GRB14: variants seen among roughly 807,000 people sequenced by gnomAD.
GRB14 encodes the protein growth factor receptor-bound protein 14.
In GRB14, 38 loss-of-function variants were observed where a neutral mutation model predicts 69.1. The ratio of observed to expected loss-of-function variants is 0.55; its 90% CI spans 0.42 to 0.72. The LOEUF is 0.72. Ranked by LOEUF, GRB14 falls within the 30% of genes least tolerant of loss-of-function variation. GRB14 has a pLI of 0.00. For synonymous variants in GRB14, 247 were observed against 241.3 expected (o/e 1.02, Z -0.22); for missense variants, 666 against 666.1 (o/e 1.00, Z 0.00).
rs567479135 is a variant in GRB14 at position 164,530,646 on chromosome 2, C to T, written c.482-3511G>A. Among the ~76,000 whole-genome samples, 30 of 151,990 alleles carry T rather than the reference C, an allele frequency of 2.0e-4. No homozygotes were observed. The South Asian group carries it at 2.1e-3, about 11-fold the overall frequency. ...AGAGGAGAAGCAAGAAAAAAAAACC[C>T]TTGAGGTGAGAGAAAGGCTGGTATG... On this transcript the variant is annotated intron_variant, in intron 3 of 13. Transcript: ENST00000263915.
At chr2:164,505,179 C>G (rs1036913174) in intron 8 of GRB14, among the ~76,000 whole-genome samples, 2 of 152,070 alleles carry the variant, frequency 1.3e-5, no homozygotes, top group Admixed American at 1.3e-4. Flanking sequence ...CATAGAAAAC[C>G]AACACAATGA....
At chr2:164,558,331 G>GA (rs1404996437) in intron 2 of GRB14, among the ~76,000 whole-genome samples, 1 of 151,742 alleles carries the variant, frequency 6.6e-6, no homozygotes. Context: ...TTATGTGGCA[G>GA]AAAAAAAGAT....
At chr2:164,565,192 G>A (rs1334134474) in intron 2 of GRB14, among the ~76,000 whole-genome samples, 3 of 152,074 alleles carry the variant, frequency 2.0e-5, no homozygotes, top group Admixed American at 2.0e-4. Context: ...TGAGCCTTAT[G>A]TTAACTCTCC....
intron 2 of GRB14, among the ~76,000 whole-genome samples, chr2:164,597,564 C>T (rs1330828618): frequency 1.3e-5 from 2 of 151,890 alleles, no homozygotes; most frequent in Admixed American, 6.6e-5. Context: ...ATTAACTATA[C>T]TAGCTAACAA....
rs75612709 is a variant in GRB14, at chr2:164,534,710, C to A, written c.482-7575G>T. Among the ~76,000 whole-genome samples, 208 of 152,238 alleles carry A rather than the reference C, an allele frequency of 1.4e-3. 7 individuals are homozygous for A. In the East Asian group the frequency reaches 0.033, roughly 24 times the overall value. On this transcript the variant is annotated intron_variant, in intron 3 of 13. Coordinates refer to ENST00000263915, the MANE Select transcript of GRB14 (RefSeq NM_004490.3). Reference sequence around the variant, plus strand: ...AATTTTAACCAAGTAAGTAATCCTACTAAGTTATTTATCATTTATTTCAAA... The same window carrying A: ...AATTTTAACCAAGTAAGTAATCCTAATAAGTTATTTATCATTTATTTCAAA...
intron 2 of GRB14, among the ~76,000 whole-genome samples, chr2:164,604,228 A>G (rs1689992365): frequency 6.6e-6 from 1 of 152,228 alleles, no homozygotes; most frequent in South Asian, 2.1e-4. Context: ...ACTTCTAAAT[A>G]CATACAATAG....
At chr2:164,499,362 G>A (rs1021472186) in intron 9 of GRB14, among the ~76,000 whole-genome samples, 2 of 151,976 alleles carry the variant, frequency 1.3e-5, no homozygotes, top group Admixed American at 6.6e-5. Context: ...CTAGATTAAC[G>A]GAAAACACAG....
intron 2 of GRB14, among the ~76,000 whole-genome samples, chr2:164,562,855 T>A (rs561312463): frequency 6.6e-6 from 1 of 152,270 alleles, no homozygotes; most frequent in African/African-American, 2.4e-5. Context: ...CTCTAAAGCA[T>A]ACATATAATC....
intron 2 of GRB14, among the ~76,000 whole-genome samples, chr2:164,586,464 A>G (rs1689542894): frequency 6.6e-6 from 1 of 152,230 alleles, no homozygotes; most frequent in Non-Finnish European, 1.5e-5. Context: ...AAAATACTAT[A>G]GATCCCCCTG....
rs148875249 is a variant in GRB14 at position 164,612,433 on chromosome 2, T to G, written c.324+7254A>C. ...AGAATTAAAGGATGGTCTCCCTATG[T>G]CAGTCCTGCCATTTCTCTTCTAAAT... On this transcript the variant is annotated intron_variant, in intron 2 of 13. Transcript: ENST00000263915. 3.9e-3 allele frequency among the ~76,000 whole-genome samples: 601 copies of G among 152,352 alleles called. 4 individuals carry two copies. Among genetic ancestry groups the G allele is most frequent in the South Asian group, 0.018 (88 of 4,830 alleles).
chr2:164,556,230 A>T lies in GRB14; in HGVS notation c.325-8414T>A, dbSNP rs75599364. ...TCCAAAAGACCCTAACAGCTCAAGA[A>T]TATCCACTGCTTTCTTATTGCTATC... On this transcript the variant is annotated intron_variant, in intron 2 of 13. Transcript: ENST00000263915. Among the ~76,000 whole-genome samples, 496 of 152,296 alleles carry T rather than the reference A, an allele frequency of 3.3e-3. 4 individuals are homozygous for T. The highest frequency in any genetic ancestry group is 0.011 in the African/African-American group (470 of 41,578).
intron 9 of GRB14, among the ~76,000 whole-genome samples, chr2:164,499,554 C>T (rs1686996898): frequency 6.6e-6 from 1 of 152,244 alleles, no homozygotes; most frequent in East Asian, 1.9e-4. Flanking sequence ...TATATTTCTC[C>T]AACACTTCTC....
At chr2:164,566,751 T>A (rs1038321699) in intron 2 of GRB14, among the ~76,000 whole-genome samples, 1 of 152,098 alleles carries the variant, frequency 6.6e-6, no homozygotes, top group African/African-American at 2.4e-5. Context: ...ATTTACATAT[T>A]TTACTATAAC....
rs149516805 is a variant in GRB14 at position 164,508,587 on chromosome 2, T to C, written c.928-37A>G. On this transcript the variant is annotated intron_variant, in intron 7 of 13. Transcript: ENST00000263915. ...CAGCACATTGTTTATCGTTAATGCATATCTTGAAGGTAACACCTGTTGAAA... is the reference window on the plus strand; with the variant it reads ...CAGCACATTGTTTATCGTTAATGCACATCTTGAAGGTAACACCTGTTGAAA... The C allele has an allele frequency of 1.2e-4, 191 of 1,570,016 alleles. No homozygotes were observed. The East Asian group carries it at 4.1e-3, about 34-fold the overall frequency.
chr2:164,495,082 C>T (rs1007946173), intron 12 of GRB14, among the ~76,000 whole-genome samples: 1 of 152,100 alleles, frequency 6.6e-6, no homozygotes, highest in Non-Finnish European at 1.5e-5. Flanking sequence ...ATTGGGACTA[C>T]AGGCACATGC....
At chr2:164,544,644 T>C (rs1419036817) in intron 3 of GRB14, among the ~76,000 whole-genome samples, 6 of 152,198 alleles carry the variant, frequency 3.9e-5, no homozygotes, top group Admixed American at 3.3e-4. Flanking sequence ...ACAAGTCATA[T>C]TGGCCAGTAT....
At chr2:164,567,219 C>G (rs1160320584) in intron 2 of GRB14, among the ~76,000 whole-genome samples, 2 of 152,094 alleles carry the variant, frequency 1.3e-5, no homozygotes, top group Non-Finnish European at 2.9e-5. Context: ...ATAAAGAACT[C>G]ATGTTGGCAA....
chr2:164,576,022 GT>G (rs1473125362), intron 2 of GRB14, among the ~76,000 whole-genome samples: 1 of 152,040 alleles, frequency 6.6e-6, no homozygotes, highest in Admixed American at 6.5e-5. Context: ...CTATAACCAA[GT>G]GTTTCATCAA....
rs138769540 is a variant in GRB14, at chr2:164,494,482, G to T, written c.1425C>A (p.Phe475Leu). ...TTTGTCCATGACTCATTGACAGTAC[G>T]AAAGTTTTGGGGTTACTCTGACTAT... Reference protein sequence around the residue: ...VRDSQSNPKTFVLSMSHGQKI... With the variant: ...VRDSQSNPKTLVLSMSHGQKI... The change falls in exon 13 of 14, where the codon TTC becomes TTA. Residue 475 changes from phenylalanine to leucine, a missense_variant. By Grantham distance (22) the Phe-to-Leu change is conservative. Coordinates refer to ENST00000263915, the MANE Select transcript of GRB14 (RefSeq NM_004490.3). 6.2e-7 allele frequency: 1 copy of T among 1,603,806 alleles called. No individual in the cohort carries two copies. Among genetic ancestry groups the T allele is most frequent in the Non-Finnish European group, 8.5e-7 (1 of 1,170,860 alleles).
Sources: allele counts gnomAD v4.1 joint callset (sites outside exome capture counted in the v4.1 genomes callset), GRCh38; gene constraint gnomAD v4.1.1; transcripts MANE v1.5; gene names NCBI Gene and HGNC (gene_info 2026-07-23, HGNC 2026-07-21).